Variants in CHSY3 observed in about 807,000 individuals in gnomAD.
CHSY3 encodes N-acetylgalactosaminyl-proteoglycan 3-beta-glucuronosyltransferase 3.
A neutral mutation model predicts 67.2 loss-of-function variants in CHSY3; 35 were observed. The ratio of observed to expected loss-of-function variants is 0.52; its 90% CI spans 0.40 to 0.69. CHSY3 has a LOEUF of 0.69. Among genes scored for constraint, CHSY3 ranks in the 30% least tolerant of loss-of-function variants. The pLI, the probability that CHSY3 is intolerant of heterozygous loss-of-function variation, is 0.00. For missense variants in CHSY3, 1,069 were observed against 1,138.5 expected, an observed-to-expected ratio of 0.94 and a Z score of 0.88; for synonymous variants, 474 against 434.7, an observed-to-expected ratio of 1.09 and a Z score of -1.12.
chr5:129,999,544 A>T (rs1763658441), intron 2 of CHSY3, among the ~76,000 whole-genome samples: 1 of 152,078 alleles, frequency 6.6e-6, no homozygotes, highest in Non-Finnish European at 1.5e-5. Flanking sequence ...ACTCTCCAGC[A>T]ATGTTGAGAG....
chr5:129,987,986 A>C (rs184069917), intron 2 of CHSY3, among the ~76,000 whole-genome samples: 170 of 152,262 alleles, frequency 1.1e-3, no homozygotes, highest in Non-Finnish European at 1.9e-3. Context: ...TGATATTTAT[A>C]AGTATTAAAA....
At chr5:130,155,214 C>T (rs1339297396) in intron 2 of CHSY3, among the ~76,000 whole-genome samples, 1 of 152,184 alleles carries the variant, frequency 6.6e-6, no homozygotes, top group Admixed American at 6.5e-5. Flanking sequence ...AATGGGCCAG[C>T]AGATTTTCTT....
At chr5:130,110,911 T>C (rs888388568) in intron 2 of CHSY3, among the ~76,000 whole-genome samples, 2 of 151,820 alleles carry the variant, frequency 1.3e-5, no homozygotes, top group African/African-American at 4.8e-5. Context: ...GAATTTTGGC[T>C]GTGAATTTTT....
chr5:130,000,978 CCTGCAGGGT>C (rs561236994), intron 2 of CHSY3, among the ~76,000 whole-genome samples: 132 of 151,440 alleles, frequency 8.7e-4, no homozygotes, highest in Middle Eastern at 3.4e-3. Flanking sequence ...GCAACCTCAG[CCTGCAGGGT>C]TCAAACGATT....
In CHSY3 at chr5:129,921,461, C is replaced by G. The variant is rs1389619675; in HGVS notation, c.1086+13101C>G. 2.6e-5 allele frequency among the ~76,000 whole-genome samples: 4 copies of G among 152,162 alleles called. No individual in the cohort carries two copies. In the East Asian group the frequency reaches 7.7e-4, roughly 29 times the overall value. ...ATGACTCAAGATTTTATCACTCTAT[C>G]AGAACAGTGTGCAATTTAAAACATA... On this transcript the variant is annotated intron_variant, in intron 2 of 2. Coordinates refer to ENST00000305031, the MANE Select transcript of CHSY3 (RefSeq NM_175856.5).
At chr5:129,991,945 T>TA (rs1396602903) in intron 2 of CHSY3, among the ~76,000 whole-genome samples, 1 of 152,208 alleles carries the variant, frequency 6.6e-6, no homozygotes, top group Non-Finnish European at 1.5e-5. Flanking sequence ...TTTCTCTGTT[T>TA]ATAGTTTATG....
At chr5:129,997,706 G>A (rs1038312074) in intron 2 of CHSY3, among the ~76,000 whole-genome samples, 1 of 151,970 alleles carries the variant, frequency 6.6e-6, no homozygotes, top group Non-Finnish European at 1.5e-5. Context: ...CCCGCCCTGT[G>A]TCCAAGTGTT....
At chr5:130,105,007 G>A (rs1415301845) in intron 2 of CHSY3, among the ~76,000 whole-genome samples, 1 of 151,548 alleles carries the variant, frequency 6.6e-6, no homozygotes, top group Non-Finnish European at 1.5e-5. Flanking sequence ...GACAGTCAGG[G>A]TTTAGCTTAG....
chr5:129,991,480 T>C (rs1017156742), intron 2 of CHSY3, among the ~76,000 whole-genome samples: 4 of 152,144 alleles, frequency 2.6e-5, no homozygotes, highest in Admixed American at 6.6e-5. Flanking sequence ...GTTCTTTTTA[T>C]AAAGCAGTGA....
chr5:130,150,155 A>G (rs1260303790), intron 2 of CHSY3, among the ~76,000 whole-genome samples: 2 of 152,170 alleles, frequency 1.3e-5, no homozygotes, highest in Non-Finnish European at 2.9e-5. Context: ...TTTGACTACT[A>G]GTGAGAGAGA....
At chr5:130,035,387 G>T (rs1203063932) in intron 2 of CHSY3, among the ~76,000 whole-genome samples, 1 of 152,084 alleles carries the variant, frequency 6.6e-6, no homozygotes, top group Admixed American at 6.6e-5. Flanking sequence ...CAAAAACATG[G>T]AGTTGCCACA....
intron 2 of CHSY3, among the ~76,000 whole-genome samples, chr5:130,135,519 A>C (rs1317683927): frequency 2.0e-5 from 3 of 152,142 alleles, no homozygotes; most frequent in Non-Finnish European, 4.4e-5. Flanking sequence ...TCATTTGTTT[A>C]ATTTAACTTT....
chr5:130,093,346 G>A (rs535639819), intron 2 of CHSY3, among the ~76,000 whole-genome samples: 4 of 152,222 alleles, frequency 2.6e-5, no homozygotes, highest in Non-Finnish European at 5.9e-5. Context: ...CACAAGTACT[G>A]TTTAGTTTAT....
intron 2 of CHSY3, among the ~76,000 whole-genome samples, chr5:130,023,481 A>C (rs1014135630): frequency 5.3e-5 from 8 of 152,042 alleles, no homozygotes; most frequent in Admixed American, 4.6e-4. Flanking sequence ...ATACATGACA[A>C]TATAATGGGA....
In CHSY3 at chr5:130,057,435, A is replaced by G. The variant is rs999792980; in HGVS notation, c.1087-126794A>G. Among the ~76,000 whole-genome samples the G allele has an allele frequency of 3.3e-5, 5 of 152,226 alleles. No individual in the cohort carries two copies. In the South Asian group the frequency reaches 1.0e-3, roughly 32 times the overall value. On this transcript the variant is annotated intron_variant, in intron 2 of 2. Transcript: ENST00000305031. ...ACTCTTATCACTGTTTTCTGAAACTAAAATATATTTCTTTCCTTTGTATAG... is the reference window on the plus strand; with the variant it reads ...ACTCTTATCACTGTTTTCTGAAACTGAAATATATTTCTTTCCTTTGTATAG...
chr5:130,035,517 T>C (rs572457714), intron 2 of CHSY3, among the ~76,000 whole-genome samples: 2 of 152,244 alleles, frequency 1.3e-5, no homozygotes, highest in African/African-American at 4.8e-5. Flanking sequence ...TAAAGCAACA[T>C]GAAGCCTATA....
intron 2 of CHSY3, among the ~76,000 whole-genome samples, chr5:129,969,753 G>A (rs776164044): frequency 2.0e-5 from 3 of 151,760 alleles, no homozygotes; most frequent in Non-Finnish European, 4.4e-5. Context: ...ATTTTGGTAA[G>A]GTTGTCTTAA....
intron 2 of CHSY3, among the ~76,000 whole-genome samples, chr5:129,911,865 G>A (rs935672687): frequency 2.6e-5 from 4 of 152,108 alleles, no homozygotes; most frequent in African/African-American, 7.2e-5. Context: ...GACCATCCTG[G>A]CTAACATGGT....
At chr5:130,148,943 G>T (rs1769153595) in intron 2 of CHSY3, among the ~76,000 whole-genome samples, 1 of 152,052 alleles carries the variant, frequency 6.6e-6, no homozygotes, top group Non-Finnish European at 1.5e-5. Flanking sequence ...CATTGCTTTT[G>T]GCATCTTCAT....
Sources: allele counts gnomAD v4.1 joint callset (sites outside exome capture counted in the v4.1 genomes callset), GRCh38; gene constraint gnomAD v4.1.1; transcripts MANE v1.5; gene names NCBI Gene and HGNC (gene_info 2026-07-23, HGNC 2026-07-21).